Variants in PLSCR4 observed in about 807,000 individuals in gnomAD.
PLSCR4 encodes the protein phospholipid scramblase 4, also known as Ca(2+)-dependent phospholipid scramblase 4.
PLSCR4 carries 25 observed loss-of-function variants against 36.3 expected under a neutral mutation model. That is an observed-to-expected ratio of 0.69 (90% confidence interval 0.50 to 0.96). PLSCR4 has a LOEUF of 0.96. PLSCR4 is among the 40% of genes least tolerant of loss of function. The probability of loss-of-function intolerance (pLI) is 0.00; values close to 1 mark genes in which losing one functional copy is unlikely to be tolerated. For synonymous variants in PLSCR4, 122 were observed against 132.9 expected (o/e 0.92, Z 0.56); for missense variants, 408 against 414.7 (o/e 0.98, Z 0.14).
At chr3:146,218,814 G>GT (rs1009752187) in intron 3 of PLSCR4, among the ~76,000 whole-genome samples, 1 of 152,110 alleles carries the variant, frequency 6.6e-6, no homozygotes, top group African/African-American at 2.4e-5. Context: ...TAGGATTTGA[G>GT]TTTTTTTAGT....
chr3:146,219,064 C>T (rs1283079223), intron 3 of PLSCR4, among the ~76,000 whole-genome samples: 1 of 152,164 alleles, frequency 6.6e-6, no homozygotes, highest in African/African-American at 2.4e-5. Flanking sequence ...TTTTGTCAGT[C>T]TTCGTAAGTT....
intron 3 of PLSCR4, among the ~76,000 whole-genome samples, chr3:146,208,456 T>C: frequency 6.6e-6 from 1 of 152,150 alleles, no homozygotes; most frequent in East Asian, 1.9e-4. Context: ...AAAGAGCTTT[T>C]GCACAGCAAA....
chr3:146,198,575 A>AT (rs1295446433), intron 6 of PLSCR4, among the ~76,000 whole-genome samples: 1 of 151,624 alleles, frequency 6.6e-6, no homozygotes, highest in African/African-American at 2.4e-5. Context: ...TAATTTTTTT[A>AT]TTTTTTATTT....
intron 1 of PLSCR4, 149 bp downstream of exon 1, chr3:146,250,811 G>A (rs915656186): frequency 6.6e-6 from 1 of 152,192 alleles, no homozygotes; most frequent in Non-Finnish European, 1.5e-5. Context: ...CAGTGTCCGG[G>A]AACTGCTAGC....
intron 1 of PLSCR4, among the ~76,000 whole-genome samples, chr3:146,249,689 AAT>A (rs1424997807): frequency 4.0e-5 from 6 of 151,496 alleles, no homozygotes; most frequent in African/African-American, 1.5e-4. Context: ...ACATAACGTT[AAT>A]ATGTTTGTTC....
At chr3:146,218,874 T>C (rs997002838) in intron 3 of PLSCR4, among the ~76,000 whole-genome samples, 1 of 152,192 alleles carries the variant, frequency 6.6e-6, no homozygotes, top group Non-Finnish European at 1.5e-5. Context: ...ATATACTAAA[T>C]ATAACAAAGG....
rs368583548 is a variant in PLSCR4, at chr3:146,218,765, C to A, written c.118+2050G>T. Among the ~76,000 whole-genome samples the A allele has an allele frequency of 3.7e-4, 57 of 152,210 alleles. 5 individuals carry two copies. The South Asian group carries it at 8.9e-3, about 24-fold the overall frequency. ...GTAAATAAAGACCTCTGTTACGGAGCGTTGTCCTACCAATACTGGTGTAAG... is the reference window on the plus strand; with the variant it reads ...GTAAATAAAGACCTCTGTTACGGAGAGTTGTCCTACCAATACTGGTGTAAG... On this transcript the variant is annotated intron_variant, in intron 3 of 8. Coordinates refer to ENST00000354952, the MANE Select transcript of PLSCR4 (RefSeq NM_020353.3).
intron 1 of PLSCR4, among the ~76,000 whole-genome samples, chr3:146,248,750 T>C (rs933862710): frequency 6.6e-6 from 1 of 152,168 alleles, no homozygotes; most frequent in Non-Finnish European, 1.5e-5. Flanking sequence ...TGGGAGCATG[T>C]TTTGCTGGAT....
In PLSCR4 at chr3:146,236,634, A is replaced by G. The variant is rs2035931248; in HGVS notation, c.-22+14326T>C. On this transcript the variant is annotated intron_variant, in intron 1 of 8. Coordinates refer to ENST00000354952, the MANE Select transcript of PLSCR4 (RefSeq NM_020353.3). ...CTTCTCTTGGCCTGCCACCATCCAC[A>G]TAAGATGTGACTTGCTCCTCCTTGC... Among the ~76,000 whole-genome samples the G allele has an allele frequency of 2.0e-5, 3 of 152,264 alleles. No homozygotes were observed. The South Asian group carries it at 6.2e-4, about 32-fold the overall frequency.
At chr3:146,219,090 A>C (rs2035022694) in intron 3 of PLSCR4, among the ~76,000 whole-genome samples, 1 of 152,240 alleles carries the variant, frequency 6.6e-6, no homozygotes, top group Non-Finnish European at 1.5e-5. Context: ...TCCAGCCACC[A>C]GGTGGCGATC....
intron 3 of PLSCR4, among the ~76,000 whole-genome samples, chr3:146,216,389 C>T (rs1483114946): frequency 6.6e-6 from 1 of 151,774 alleles, no homozygotes; most frequent in Non-Finnish European, 1.5e-5. Flanking sequence ...TGGATACTAC[C>T]CAGATCTGGA....
chr3:146,223,653 A>G (rs2108298708), intron 1 of PLSCR4: 1 of 152,242 alleles, frequency 6.6e-6, no homozygotes, highest in South Asian at 2.1e-4. Context: ...GGTACGAGCC[A>G]GTATGCAGAT....
chr3:146,222,496 C>G (rs2036980), intron 1 of PLSCR4: 112,328 of 152,510 alleles, frequency 0.74, 41,697 homozygotes, highest in South Asian at 0.81. Flanking sequence ...TGAGCTGTTT[C>G]AACTATGAAA....
At chr3:146,248,371 A>T (rs1036973049) in intron 1 of PLSCR4, among the ~76,000 whole-genome samples, 6 of 152,190 alleles carry the variant, frequency 3.9e-5, no homozygotes, top group Non-Finnish European at 8.8e-5. Flanking sequence ...GTGTAAAACA[A>T]CATCACTACT....
At chr3:146,224,605 G>C (rs1350150908) in intron 1 of PLSCR4, among the ~76,000 whole-genome samples, 2 of 152,028 alleles carry the variant, frequency 1.3e-5, no homozygotes, top group Non-Finnish European at 2.9e-5. Context: ...AAGCAGTGTG[G>C]ACCCAAACAG....
intron 4 of PLSCR4, among the ~76,000 whole-genome samples, chr3:146,205,308 T>C (rs1013282729): frequency 2.6e-5 from 4 of 152,056 alleles, no homozygotes; most frequent in Non-Finnish European, 5.9e-5. Context: ...ATCCTGTATA[T>C]ACTATGCACA....
At chr3:146,218,823 G>A (rs2035009401) in intron 3 of PLSCR4, among the ~76,000 whole-genome samples, 1 of 152,140 alleles carries the variant, frequency 6.6e-6, no homozygotes, top group Non-Finnish European at 1.5e-5. Context: ...AGTTTTTTTA[G>A]TTATTTTGAA....
Position 146,216,069 on chromosome 3 carries a change from G to A in PLSCR4, c.118+4746C>T, listed in dbSNP as rs532201269. On this transcript the variant is annotated intron_variant, in intron 3 of 8. Coordinates refer to ENST00000354952, the MANE Select transcript of PLSCR4 (RefSeq NM_020353.3). ...AACATGGTGAAACCCCGTCTCTACC[G>A]AAAATACAAAATTATCCGGGCGTGG... Among the ~76,000 whole-genome samples, 10 of 152,090 alleles carry A rather than the reference G, an allele frequency of 6.6e-5. No individual in the cohort carries two copies. In the South Asian group the frequency reaches 1.7e-3, roughly 25 times the overall value.
At chr3:146,228,486 C>T (rs946343146) in intron 1 of PLSCR4, among the ~76,000 whole-genome samples, 13 of 151,318 alleles carry the variant, frequency 8.6e-5, no homozygotes, top group African/African-American at 1.9e-4. Flanking sequence ...AAAAAAAAAA[C>T]GGAGACATTG....
Sources: gnomAD v4.1 joint callset for allele counts (sites outside exome capture counted in the v4.1 genomes callset) on GRCh38, gnomAD v4.1.1 for gene constraint, MANE v1.5 for transcripts, NCBI Gene and HGNC (gene_info 2026-07-23, HGNC 2026-07-21) for gene names.